CRYZ: variants seen among roughly 807,000 people sequenced by gnomAD.
CRYZ encodes crystallin zeta, also known as zeta-crystallin.
A neutral mutation model predicts 34.1 loss-of-function variants in CRYZ; 35 were observed. That is an observed-to-expected ratio of 1.03 (90% confidence interval 0.78 to 1.36). CRYZ has a LOEUF of 1.36. CRYZ is among the 40% of genes most tolerant of loss of function. The probability of loss-of-function intolerance (pLI) is 0.00; values close to 1 mark genes in which losing one functional copy is unlikely to be tolerated. For missense variants in CRYZ, 403 were observed against 391.8 expected (o/e 1.03, Z -0.24); for synonymous variants, 137 against 136.5 (o/e 1.00, Z -0.03).
intron 3 of CRYZ, among the ~76,000 whole-genome samples, chr1:74,722,909 C>T (rs373639707): frequency 6.6e-6 from 1 of 152,044 alleles, no homozygotes; most frequent in Non-Finnish European, 1.5e-5. Flanking sequence ...AATTACCCAG[C>T]ACCTATTCAC....
intron 3 of CRYZ, among the ~76,000 whole-genome samples, chr1:74,720,723 C>G (rs1382495873): frequency 6.6e-6 from 1 of 152,126 alleles, no homozygotes; most frequent in African/African-American, 2.4e-5. Context: ...GAAGATTAAT[C>G]CAGTTTTAAC....
chr1:74,706,883 G>A lies in CRYZ; in HGVS notation c.828+16C>T. On this transcript the variant is annotated intron_variant, in intron 8 of 8. Coordinates refer to ENST00000340866, the MANE Select transcript of CRYZ (RefSeq NM_001889.4). ...AATGTTTAAGTTACCAAAATCAGAA[G>A]TACTTCTTTTCCTACCTTGGTTGAG... 1 of 1,602,126 alleles carries A rather than the reference G, an allele frequency of 6.2e-7. No individual in the cohort carries two copies. Among genetic ancestry groups the A allele is most frequent in the South Asian group, 1.1e-5 (1 of 90,660 alleles).
chr1:74,706,361 C>A lies in CRYZ; in HGVS notation c.925G>T (p.Ala309Ser), dbSNP rs1215358190. 2 of 1,612,970 alleles carry A rather than the reference C, an allele frequency of 1.2e-6. No homozygotes were observed. The highest frequency in any genetic ancestry group is 1.7e-6 in the Non-Finnish European group (2 of 1,179,340). The change falls in exon 9 of 9, where the codon GCC becomes TCC. Residue 309 changes from alanine (A) to serine (S), a missense_variant. By Grantham distance (99) the Ala-to-Ser change is moderately conservative (BLOSUM62 1). Transcript: ENST00000340866. ...TGAATGATATTTTCATGAGCCTCGG[C>A]CACCTTCTCCAATGGATATTGAGAA... Reference protein sequence around the residue: ...IGSQYPLEKVAEAHENIIHGS... With the variant: ...IGSQYPLEKVSEAHENIIHGS...
chr1:74,716,195 CGCGTGT>C (rs1200315223), intron 4 of CRYZ, among the ~76,000 whole-genome samples: 1 of 147,148 alleles, frequency 6.8e-6, no homozygotes, highest in Admixed American at 6.8e-5. Context: ...AATCTGTGTG[CGCGTGT>C]GTGTGTGTGT....
At chr1:74,732,597 C>CCG (rs1647862305) in intron 1 of CRYZ, among the ~76,000 whole-genome samples, 1 of 52,660 alleles carries the variant, frequency 1.9e-5, no homozygotes, top group African/African-American at 6.5e-5. Context: ...GGGTGACTGG[C>CCG]GGGGGGGGGG....
In CRYZ at chr1:74,706,115, A is replaced by C; in HGVS notation, c.*181T>G. ...TTGATTTGAGACAGATGGCATAAAA[A>C]AATATTGCTAGCTATACAATAAATT... On this transcript the variant is annotated 3_prime_UTR_variant, in exon 9 of 9. Transcript: ENST00000340866. 4.1e-6 allele frequency: 2 copies of C among 489,974 alleles called. No individual in the cohort carries two copies. 30.4% of individuals were successfully genotyped at this position (489,974 alleles called of 1,614,324 possible).
chr1:74,714,765 A>G (rs1030760291), intron 4 of CRYZ, 135 bp from the exon 5 acceptor site: 2 of 723,188 alleles, frequency 2.8e-6, no homozygotes, highest in East Asian at 2.7e-5. Context: ...CCTGACATAC[A>G]GCCCCAAATA....
At chr1:74,731,501 G>A (rs1310549393) in intron 1 of CRYZ, among the ~76,000 whole-genome samples, 1 of 152,164 alleles carries the variant, frequency 6.6e-6, no homozygotes, top group Non-Finnish European at 1.5e-5. Flanking sequence ...ATGTAAAAAA[G>A]GCAAGAATTA....
chr1:74,726,604 A>G (rs1260352172), intron 1 of CRYZ, among the ~76,000 whole-genome samples: 1 of 152,072 alleles, frequency 6.6e-6, no homozygotes, highest in East Asian at 1.9e-4. Flanking sequence ...TCCCCATTCC[A>G]TTATCTTGAT....
At chr1:74,726,051 G>A (rs200367407) in intron 1 of CRYZ, among the ~76,000 whole-genome samples, 1 of 152,178 alleles carries the variant, frequency 6.6e-6, no homozygotes, top group Non-Finnish European at 1.5e-5. Flanking sequence ...TGTTTTCATG[G>A]GCTGGCATTG....
chr1:74,709,264 T>C (rs1447686476), intron 6 of CRYZ, among the ~76,000 whole-genome samples: 1 of 152,166 alleles, frequency 6.6e-6, no homozygotes, highest in Non-Finnish European at 1.5e-5. Flanking sequence ...AGATTATTGC[T>C]GAACAAAAAC....
chr1:74,715,791 G>C (rs922578543), intron 4 of CRYZ, among the ~76,000 whole-genome samples: 2 of 152,056 alleles, frequency 1.3e-5, no homozygotes, highest in African/African-American at 4.8e-5. Flanking sequence ...GAAAAAGCAG[G>C]CAAATCCCCT....
At chr1:74,732,593 CTGGCGG>C (rs1488201425) in intron 1 of CRYZ, among the ~76,000 whole-genome samples, 1 of 3,484 alleles carries the variant, frequency 2.9e-4, no homozygotes, top group Non-Finnish European at 9.1e-4. Context: ...AAGCGGGTGA[CTGGCGG>C]GGGGGGGGGG....
At chr1:74,706,557 G>T (rs1646932205) in intron 8 of CRYZ, 100 bp from the exon 9 acceptor site, 3 of 1,100,150 alleles carry the variant, frequency 2.7e-6, no homozygotes, top group Non-Finnish European at 3.9e-6. Flanking sequence ...ATACCATGAA[G>T]AGTCTCTTAC....
intron 6 of CRYZ, among the ~76,000 whole-genome samples, chr1:74,709,374 G>A (rs1325927799): frequency 6.6e-6 from 1 of 152,098 alleles, no homozygotes; most frequent in Non-Finnish European, 1.5e-5. Context: ...GTATAACAAA[G>A]GAGTGCTTTT....
At position 74,710,139 on chromosome 1, in the gene CRYZ, C is replaced by A. The variant is rs766868441; in HGVS notation, c.589G>T (p.Val197Leu). 6 of 1,613,762 alleles carry A rather than the reference C, an allele frequency of 3.7e-6. No individual in the cohort carries two copies. The East Asian group carries it at 1.1e-4, about 30-fold the overall frequency. ...TAATTCACTTCTCTGTGATTGAACA[C>A]TTCATGGGCTCCATTTTGCAAAACA... ...KIVLQNGAHE[V>L]FNHREVNYID... Residue 197 changes from valine to leucine, a missense_variant, in exon 6 of 9, where the codon GTG becomes TTG. Coordinates refer to ENST00000340866, the MANE Select transcript of CRYZ (RefSeq NM_001889.4).
At position 74,733,035 on chromosome 1, in the gene CRYZ, C is replaced by G; in HGVS notation, c.-93G>C. 1 of 652,722 alleles carries G rather than the reference C, an allele frequency of 1.5e-6. No homozygotes were observed. The highest frequency in any genetic ancestry group is 2.1e-5 in the South Asian group (1 of 47,848). 40.4% of individuals were successfully genotyped at this position (652,722 alleles called of 1,614,324 possible). On this transcript the variant is annotated 5_prime_UTR_variant, in exon 1 of 9. Transcript: ENST00000340866. ...ATGAGGACTGCCACACCTTCTCCAACTTTTGCAGGCTCCACCCAGGATGTG... is the reference window on the plus strand; with the variant it reads ...ATGAGGACTGCCACACCTTCTCCAAGTTTTGCAGGCTCCACCCAGGATGTG...
chr1:74,715,709 A>G (rs1647062404), intron 4 of CRYZ, among the ~76,000 whole-genome samples: 1 of 152,140 alleles, frequency 6.6e-6, no homozygotes, highest in Non-Finnish European at 1.5e-5. Context: ...AATTTTTCAA[A>G]AATTCTTATA....
In CRYZ at chr1:74,723,763, A is replaced by G. The variant is rs74929715; in HGVS notation, c.112-493T>C. Among the ~76,000 whole-genome samples the G allele has an allele frequency of 5.8e-3, 888 of 152,326 alleles. 11 individuals are homozygous for G. Among genetic ancestry groups the G allele is most frequent in the African/African-American group, 0.02 (834 of 41,576 alleles). ...AAGACGGGTTGGGTGGCAGAGCCAC[A>G]TGAAAGAAGAAGCTGAGTCCCTAAG... On this transcript the variant is annotated intron_variant, in intron 2 of 8. Coordinates refer to ENST00000340866, the MANE Select transcript of CRYZ (RefSeq NM_001889.4).
Sources: allele counts gnomAD v4.1 joint callset (sites outside exome capture counted in the v4.1 genomes callset), GRCh38; gene constraint gnomAD v4.1.1; transcripts MANE v1.5; gene names NCBI Gene and HGNC (gene_info 2026-07-23, HGNC 2026-07-21).